EPG5: variants seen among roughly 807,000 people sequenced by gnomAD.
EPG5 encodes the protein ectopic P-granules 5 autophagy tethering factor, also known as ectopic P granules protein 5 homolog.
In EPG5, 159 loss-of-function variants were observed where a neutral mutation model predicts 302.7. The observed-to-expected ratio is 0.53, with a 90% CI of 0.46 to 0.60. EPG5 has a LOEUF of 0.60. Among genes scored for constraint, EPG5 ranks in the 20% least tolerant of loss-of-function variants. The pLI is 0.00. For synonymous variants in EPG5, 1,158 were observed against 1,136.8 expected, an observed-to-expected ratio of 1.02 and a Z score of -0.37; for missense variants, 2,896 against 3,092.4, an observed-to-expected ratio of 0.94 and a Z score of 1.51.
At chr18:45,951,080 G>A in intron 4 of EPG5, 22 bp downstream of exon 4, 1 of 1,503,244 alleles carries the variant, frequency 6.7e-7, no homozygotes, top group Admixed American at 2.2e-5. Context: ...AAAGACTACT[G>A]TGTCTATCTC....
chr18:45,903,650 A>G (rs1422522082), intron 25 of EPG5, among the ~76,000 whole-genome samples: 1 of 152,244 alleles, frequency 6.6e-6, no homozygotes, highest in Non-Finnish European at 1.5e-5. Context: ...AATTTATACC[A>G]CTGTTTCTCT....
At chr18:45,813,631 T>G in the EPG5 span, among the ~76,000 whole-genome samples, 2 of 152,084 alleles carry the variant, frequency 1.3e-5, no homozygotes, top group Non-Finnish European at 2.9e-5. Context: ...TGGATAAAGG[T>G]GGAAACCATC....
chr18:45,829,229 A>G, the EPG5 span: 2 of 894,040 alleles, frequency 2.2e-6, no homozygotes, highest in African/African-American at 1.8e-5. Context: ...CGGCAGAGGC[A>G]TGGGTTAAAG....
Position 45,849,063 on chromosome 18 carries a change from GAC to G in EPG5, c.*3402_*3403del, listed in dbSNP as rs2048391580. ...CATGCCATTGCACTCCAGCCTGGGT[GAC>G]AGATGAGACTCGTCTCAAAAAAAAA... On this transcript the variant is annotated 3_prime_UTR_variant, in exon 44 of 44. Coordinates refer to ENST00000282041, the MANE Select transcript of EPG5 (RefSeq NM_020964.3). The G allele has an allele frequency of 7.5e-6, 1 of 133,114 alleles. No individual in the cohort carries two copies. Among genetic ancestry groups the G allele is most frequent in the African/African-American group, 2.9e-5 (1 of 34,218 alleles). 8.2% of individuals were successfully genotyped at this position (133,114 alleles called of 1,614,324 possible).
chr18:45,802,936 A>G, the EPG5 span, among the ~76,000 whole-genome samples: 1 of 152,138 alleles, frequency 6.6e-6, no homozygotes, highest in African/African-American at 2.4e-5. Context: ...CCAGTCTCTT[A>G]AGGCATAGTG....
In EPG5 at chr18:45,851,560, T is replaced by TC. The variant is rs1359498650; in HGVS notation, c.*906dup. On this transcript the variant is annotated 3_prime_UTR_variant, in exon 44 of 44. Transcript: ENST00000282041. Reference sequence around the variant, plus strand: ...GGAACAGAGAATCAGGTCTTCAGTCTCCCTCAGTCTCTGTCTCCTGACACT... The same window carrying TC: ...GGAACAGAGAATCAGGTCTTCAGTCTCCCCTCAGTCTCTGTCTCCTGACACT... The TC allele has an allele frequency of 6.6e-6, 1 of 152,202 alleles. No homozygotes were observed. The highest frequency in any genetic ancestry group is 1.5e-5 in the Non-Finnish European group (1 of 68,020). 9.4% of individuals were successfully genotyped at this position (152,202 alleles called of 1,614,324 possible).
In EPG5 at chr18:45,910,751, A is replaced by AG. The variant is rs1420474573; in HGVS notation, c.3984-10_3984-9insC. ...AACCATCTATGGGTAACCTTAAAAA[A>AG]CACAAGCACAGATCTATAACCTTTC... On this transcript the variant is annotated splice_polypyrimidine_tract_variant and intron_variant, in intron 22 of 43. Coordinates refer to ENST00000282041, the MANE Select transcript of EPG5 (RefSeq NM_020964.3). 1.9e-6 allele frequency: 3 copies of AG among 1,605,552 alleles called. No individual in the cohort carries two copies. In the African/African-American group the frequency reaches 4.0e-5, roughly 21 times the overall value.
chr18:45,854,749 T>C (rs1051819591), intron 43 of EPG5, among the ~76,000 whole-genome samples: 10 of 152,040 alleles, frequency 6.6e-5, no homozygotes, highest in African/African-American at 2.4e-4. Flanking sequence ...TAGTCCTAAC[T>C]ACTTGGGAGG....
intron 2 of EPG5, 59 bp downstream of exon 2, chr18:45,954,335 G>A: frequency 6.7e-7 from 1 of 1,482,102 alleles, no homozygotes; most frequent in Non-Finnish European, 9.2e-7. Flanking sequence ...TCCAGACCTG[G>A]ACAACATCCC....
intron 22 of EPG5, among the ~76,000 whole-genome samples, chr18:45,911,018 C>T (rs2049880229): frequency 1.3e-5 from 2 of 151,406 alleles, no homozygotes; most frequent in Non-Finnish European, 1.5e-5. Flanking sequence ...GAAGAACTTG[C>T]AATCTGGCAA....
intron 24 of EPG5, among the ~76,000 whole-genome samples, chr18:45,905,977 C>CA (rs1431528517): frequency 6.6e-6 from 1 of 152,184 alleles, no homozygotes; most frequent in African/African-American, 2.4e-5. Context: ...CCTATACTCT[C>CA]AGTCTTATTT....
chr18:45,961,351 C>A (rs1178504104), intron 1 of EPG5, among the ~76,000 whole-genome samples: 2 of 152,236 alleles, frequency 1.3e-5, no homozygotes, highest in Admixed American at 6.5e-5. Context: ...CATGACCAGG[C>A]TATGCTACTT....
downstream of EPG5, among the ~76,000 whole-genome samples, chr18:45,846,357 C>G (rs1226733933): frequency 1.3e-5 from 2 of 151,892 alleles, no homozygotes; most frequent in Non-Finnish European, 2.9e-5. Context: ...CCCGCCTCTA[C>G]TAGAAATACA....
chr18:45,951,767 C>T (rs746250602), intron 3 of EPG5, among the ~76,000 whole-genome samples: 24 of 152,044 alleles, frequency 1.6e-4, no homozygotes, highest in Non-Finnish European at 1.9e-4. Flanking sequence ...CCATAATCCA[C>T]TATTTTTTAT....
At chr18:45,914,694 A>T (rs1007553658) in intron 20 of EPG5, among the ~76,000 whole-genome samples, 19 of 152,210 alleles carry the variant, frequency 1.2e-4, no homozygotes, top group Non-Finnish European at 2.2e-4. Flanking sequence ...AACCAGATTG[A>T]AACCCAGACT....
At chr18:45,836,942 A>C in the EPG5 span, 7 of 779,592 alleles carry the variant, frequency 9.0e-6, no homozygotes, top group East Asian at 1.7e-4. Flanking sequence ...GCTTGGCCTC[A>C]TGCTGGCAGT....
chr18:45,942,378 G>T (rs1257653538), intron 9 of EPG5, among the ~76,000 whole-genome samples: 1 of 152,116 alleles, frequency 6.6e-6, no homozygotes, highest in Non-Finnish European at 1.5e-5. Context: ...CGAGGCAGAT[G>T]GATCACTTGA....
Position 45,854,029 on chromosome 18 carries a change from A to G in EPG5, c.7558-1380T>C, listed in dbSNP as rs138380951. Among the ~76,000 whole-genome samples, 55 of 152,360 alleles carry G rather than the reference A, an allele frequency of 3.6e-4. No individual in the cohort carries two copies. The East Asian group carries it at 9.3e-3, about 26-fold the overall frequency. On this transcript the variant is annotated intron_variant, in intron 43 of 43. Coordinates refer to ENST00000282041, the MANE Select transcript of EPG5 (RefSeq NM_020964.3). ...CTTTAAGTCCAAAGAAATGAAGGCA[A>G]AGAGGCCAGGCCTGGGCAGCCCAGG...
chr18:45,954,852 C>T lies in EPG5; in HGVS notation c.550G>A (p.Gly184Ser), dbSNP rs2050989481. 3 of 1,614,172 alleles carry T rather than the reference C, an allele frequency of 1.9e-6. No homozygotes were observed. The highest frequency in any genetic ancestry group is 2.5e-6 in the Non-Finnish European group (3 of 1,180,022). Reference protein sequence around the residue: ...ETQNSKEDKQGLVCSSEVPQN... With the variant: ...ETQNSKEDKQSLVCSSEVPQN... ...GGCACCTCTGAAGAACAAACCAGGC[C>T]TTGTTTGTCTTCTTTACTATTCTGA... The change falls in exon 2 of 44, where the codon GGC becomes AGC. Residue 184 changes from glycine to serine, a missense_variant. Coordinates refer to ENST00000282041, the MANE Select transcript of EPG5 (RefSeq NM_020964.3).
Sources: allele counts gnomAD v4.1 joint callset (sites outside exome capture counted in the v4.1 genomes callset), GRCh38; gene constraint gnomAD v4.1.1; transcripts MANE v1.5; gene names NCBI Gene and HGNC (gene_info 2026-07-23, HGNC 2026-07-21).